ZNF638: variants seen among roughly 807,000 people sequenced by gnomAD.
The protein encoded by ZNF638 is CTCL tumor antigen se33-1.
ZNF638 carries 46 observed loss-of-function variants against 195.6 expected under a neutral mutation model. That is an observed-to-expected ratio of 0.24 (90% CI 0.19 to 0.30). ZNF638 has a LOEUF of 0.30. ZNF638 is among the 10% of genes least tolerant of loss of function. ZNF638 has a pLI of 1.00. For synonymous variants in ZNF638, 845 were observed against 772.0 expected (o/e 1.09, Z -1.57); for missense variants, 2,440 against 2,325.3 (o/e 1.05, Z -1.01).
intron 1 of ZNF638, among the ~76,000 whole-genome samples, chr2:71,347,769 G>GT (rs1170131635): frequency 2.0e-5 from 3 of 152,200 alleles, no homozygotes; most frequent in African/African-American, 7.2e-5. Flanking sequence ...TCAGCAACCA[G>GT]TTTTAACTAA....
intron 8 of ZNF638, among the ~76,000 whole-genome samples, chr2:71,378,605 A>G (rs2079478697): frequency 6.6e-6 from 1 of 152,204 alleles, no homozygotes; most frequent in Non-Finnish European, 1.5e-5. Flanking sequence ...AAGACCACAA[A>G]TAAGTTAAAA....
intron 11 of ZNF638, among the ~76,000 whole-genome samples, chr2:71,398,256 G>A (rs1470739398): frequency 6.6e-6 from 1 of 152,092 alleles, no homozygotes; most frequent in Non-Finnish European, 1.5e-5. Context: ...TGGGAGCCAA[G>A]TCTAAACGTG....
intron 1 of ZNF638, among the ~76,000 whole-genome samples, chr2:71,336,396 A>C (rs1404836684): frequency 6.6e-6 from 1 of 150,462 alleles, no homozygotes; most frequent in Non-Finnish European, 1.5e-5. Flanking sequence ...AAAAAAAAAA[A>C]AAAACCAAAA....
Position 71,399,602 on chromosome 2 carries a change from G to A in ZNF638, c.2544G>A (p.Gly848=). ...AGTCTCTAGAAGCCAAAAAGACTGG[G>A]AATGTCAAAAACAAAGACTCTAACA... ...GKKSLEAKKT[G]NVKNKDSNKP... The change falls in exon 13 of 28, where the codon GGG becomes GGA. Residue 848 remains glycine, a synonymous_variant. Coordinates refer to ENST00000264447, the MANE Select transcript of ZNF638 (RefSeq NM_014497.5). 6.2e-7 allele frequency: 1 copy of A among 1,612,742 alleles called. No homozygotes were observed. Among genetic ancestry groups the A allele is most frequent in the Admixed American group, 1.7e-5 (1 of 59,894 alleles).
chr2:71,423,182 T>C lies in ZNF638; in HGVS notation c.3668T>C (p.Leu1223Ser). Residue 1223 changes from leucine (L) to serine (S), a missense_variant, in exon 22 of 28, where the codon TTG becomes TCG. Physicochemically the swap from Leu to Ser is moderately radical, Grantham distance 145. Coordinates refer to ENST00000264447, the MANE Select transcript of ZNF638 (RefSeq NM_014497.5). ...GAAATTATTAACCCTAAAACAGCAT[T>C]GTTACCATCTGACAGTGTGTTTGCA... Reference protein sequence around the residue: ...GAEIINPKTALLPSDSVFAEE... With the variant: ...GAEIINPKTASLPSDSVFAEE... 2.5e-6 allele frequency: 4 copies of C among 1,614,116 alleles called. No homozygotes were observed. The highest frequency in any genetic ancestry group is 3.4e-6 in the Non-Finnish European group (4 of 1,179,974).
In ZNF638 at chr2:71,426,930, A is replaced by G. The variant is rs1246919177; in HGVS notation, c.5061A>G (p.Gly1687=). The change falls in exon 24 of 28, where the codon GGA becomes GGG. Residue 1687 remains glycine, a synonymous_variant. Coordinates refer to ENST00000264447, the MANE Select transcript of ZNF638 (RefSeq NM_014497.5). ...GCTTGGTAACTGTGGATGAAATTGGAGAAGTGGAAGAGCTACCTTTGAATG... is the reference window on the plus strand; with the variant it reads ...GCTTGGTAACTGTGGATGAAATTGGGGAAGTGGAAGAGCTACCTTTGAATG... ...QERLVTVDEI[G]EVEELPLNES... 1.2e-6 allele frequency: 2 copies of G among 1,614,080 alleles called. No homozygotes were observed. Among genetic ancestry groups the G allele is most frequent in the South Asian group, 2.2e-5 (2 of 91,060 alleles).
At chr2:71,432,079 T>C (rs1481618965) in intron 26 of ZNF638, among the ~76,000 whole-genome samples, 1 of 152,254 alleles carries the variant, frequency 6.6e-6, no homozygotes, top group Non-Finnish European at 1.5e-5. Context: ...ACTTTGTTCA[T>C]GGTCAGCTAA....
chr2:71,401,880 A>G (rs1392514102), intron 15 of ZNF638, 76 bp from the exon 16 acceptor site: 2 of 1,290,000 alleles, frequency 1.6e-6, no homozygotes, highest in South Asian at 1.6e-5. Context: ...CTAATATAAC[A>G]TGATACACAG....
At chr2:71,419,336 C>T (rs1489320211) in intron 21 of ZNF638, among the ~76,000 whole-genome samples, 1 of 152,120 alleles carries the variant, frequency 6.6e-6, no homozygotes, top group East Asian at 1.9e-4. Flanking sequence ...CTCCTGTATA[C>T]TGAGTCATCA....
chr2:71,427,632 A>T (rs1260409228), intron 24 of ZNF638, among the ~76,000 whole-genome samples: 1 of 152,204 alleles, frequency 6.6e-6, no homozygotes, highest in African/African-American at 2.4e-5. Context: ...GTTATGCTTC[A>T]AGAAAGGATG....
In ZNF638 at chr2:71,399,543, A is replaced by T. The variant is rs915925758; in HGVS notation, c.2501-16A>T. On this transcript the variant is annotated splice_polypyrimidine_tract_variant and intron_variant, in intron 12 of 27. Coordinates refer to ENST00000264447, the MANE Select transcript of ZNF638 (RefSeq NM_014497.5). ...AACAAGACCTTTAGAATAATGGCTG[A>T]CTGTACTTTTACAAGCAAAATCTGG... 1.3e-6 allele frequency: 2 copies of T among 1,578,560 alleles called. No individual in the cohort carries two copies. The highest frequency in any genetic ancestry group is 1.4e-5 in the African/African-American group (1 of 69,758).
At chr2:71,416,952 G>A (rs1308962625) in intron 20 of ZNF638, among the ~76,000 whole-genome samples, 1 of 151,368 alleles carries the variant, frequency 6.6e-6, no homozygotes, top group African/African-American at 2.4e-5. Flanking sequence ...CCTGCCCCCA[G>A]AGGTGGAGCC....
At chr2:71,404,576 G>T (rs1225993813) in intron 17 of ZNF638, among the ~76,000 whole-genome samples, 1 of 152,088 alleles carries the variant, frequency 6.6e-6, no homozygotes, top group Non-Finnish European at 1.5e-5. Context: ...AATTAGCTGG[G>T]CCTGAAGGCG....
chr2:71,424,499 A>G, intron 22 of ZNF638, 151 bp from the exon 23 acceptor site: 2 of 652,394 alleles, frequency 3.1e-6, no homozygotes, highest in Non-Finnish European at 2.7e-6. Context: ...GTGACTGTTG[A>G]CTTAGTTTTG....
chr2:71,399,447 A>G, intron 12 of ZNF638, 112 bp from the exon 13 acceptor site: 1 of 710,986 alleles, frequency 1.4e-6, no homozygotes, highest in East Asian at 2.8e-5. Context: ...GACTATGTGG[A>G]AAAGAGCTGC....
rs148583099 is a variant in ZNF638, at chr2:71,368,288, A to G, written c.1996-94A>G. On this transcript the variant is annotated intron_variant, in intron 6 of 27. Transcript: ENST00000264447. ...TATGGAAAAGACCCTTTAGTGTACT[A>G]ATATTAGTGGTAGAAGAAATTATAT... 1.1e-3 allele frequency: 1,337 copies of G among 1,210,110 alleles called. 11 individuals carry two copies. In the African/African-American group the frequency reaches 0.019, roughly 17 times the overall value. 75.0% of individuals were successfully genotyped at this position (1,210,110 alleles called of 1,614,324 possible). A position where few individuals can be genotyped will look rare whatever the true frequency, so the allele number is the denominator to read the frequency against.
intron 1 of ZNF638, among the ~76,000 whole-genome samples, chr2:71,335,125 C>T (rs1477140300): frequency 2.0e-5 from 3 of 152,136 alleles, no homozygotes; most frequent in Admixed American, 6.5e-5. Context: ...CGGCCTCTAC[C>T]TCCTGGGTGC....
chr2:71,428,579 A>G lies in ZNF638; in HGVS notation c.5578A>G (p.Lys1860Glu). 5.6e-6 allele frequency: 9 copies of G among 1,614,064 alleles called. No homozygotes were observed. Among genetic ancestry groups the G allele is most frequent in the Non-Finnish European group, 7.6e-6 (9 of 1,179,974 alleles). ...TCCAACCAAGAGAGTTAGAATTGGG[A>G]AAACTCTGCCATCAGAAAAAGCTGT... ...KTPTKRVRIG[K>E]TLPSEKAVVT... is the part of the protein sequence containing the mutation. The change falls in exon 25 of 28, where the codon AAA (lysine) becomes GAA (glutamate). Residue 1860 changes from lysine to glutamate, a missense_variant. By Grantham distance (56) the Lys-to-Glu change is moderately conservative. Transcript: ENST00000264447.
intron 2 of ZNF638, among the ~76,000 whole-genome samples, chr2:71,353,694 A>G (rs2078978270): frequency 1.3e-5 from 2 of 152,198 alleles, no homozygotes; most frequent in South Asian, 4.1e-4. Flanking sequence ...TAAGAATGAT[A>G]TCCTGTATTA....
Sources: allele counts gnomAD v4.1 joint callset (sites outside exome capture counted in the v4.1 genomes callset), GRCh38; gene constraint gnomAD v4.1.1; transcripts MANE v1.5; gene names NCBI Gene and HGNC (gene_info 2026-07-23, HGNC 2026-07-21).